The following PPM1E variants were observed in gnomAD, a reference collection of about 807,000 sequenced individuals.
PPM1E encodes protein phosphatase, Mg2+/Mn2+ dependent 1E, also known as protein phosphatase 1E.
A neutral mutation model predicts 65.9 loss-of-function variants in PPM1E; 20 were observed. The observed-to-expected ratio is 0.30, with a 90% CI of 0.21 to 0.44. The LOEUF is 0.44. PPM1E is among the 20% of genes least tolerant of loss of function. PPM1E has a pLI of 1.00. For synonymous variants in PPM1E, 352 were observed against 374.9 expected, an observed-to-expected ratio of 0.94 and a Z score of 0.70; for missense variants, 713 against 953.1, an observed-to-expected ratio of 0.75 and a Z score of 3.32.
At chr17:58,759,285 T>C (rs2049800344) in intron 1 of PPM1E, among the ~76,000 whole-genome samples, 1 of 152,154 alleles carries the variant, frequency 6.6e-6, no homozygotes, top group East Asian at 1.9e-4. Flanking sequence ...GTTTTACTCC[T>C]TTCTCTAAGT....
At chr17:58,828,541 C>T (rs2050565698) in intron 1 of PPM1E, among the ~76,000 whole-genome samples, 1 of 151,558 alleles carries the variant, frequency 6.6e-6, no homozygotes, top group Admixed American at 6.6e-5. Context: ...CTCGCCTCAC[C>T]ACAACCTCTG....
chr17:58,899,538 C>G, intron 1 of PPM1E: 1 of 224,738 alleles, frequency 4.4e-6, no homozygotes, highest in East Asian at 1.1e-4. Flanking sequence ...TTAAGGTTGA[C>G]CAGAAAGTAG....
intron 1 of PPM1E, among the ~76,000 whole-genome samples, chr17:58,940,910 C>T (rs532110177): frequency 1.3e-5 from 2 of 152,292 alleles, no homozygotes; most frequent in Middle Eastern, 3.4e-3. Flanking sequence ...AGGGTTTTGC[C>T]ACATTGGCCA....
chr17:58,948,714 C>T (rs2052196855), intron 1 of PPM1E, among the ~76,000 whole-genome samples: 1 of 152,102 alleles, frequency 6.6e-6, no homozygotes, highest in Non-Finnish European at 1.5e-5. Flanking sequence ...TGTTGTGTTT[C>T]TGTTTTCATT....
chr17:58,982,186 T>C lies in PPM1E; in HGVS notation c.*1155T>C. On this transcript the variant is annotated 3_prime_UTR_variant, in exon 7 of 7. Transcript: ENST00000308249. The stretch of plus-strand genomic sequence containing the variant: ...AAGACACATGAGTGTCCTGCTTACA[T>C]GTAGCTTCAGACTGCAGAGACAGGA... 1 of 152,820 alleles carries C rather than the reference T, an allele frequency of 6.5e-6. No homozygotes were observed. Among genetic ancestry groups the C allele is most frequent in the Middle Eastern group, 3.4e-3 (1 of 294 alleles). The allele number at this position is 152,820 out of a possible 1,614,324, so 9.5% of individuals were successfully genotyped here.
intron 1 of PPM1E, among the ~76,000 whole-genome samples, chr17:58,950,250 T>C (rs2052217129): frequency 6.6e-6 from 1 of 152,124 alleles, no homozygotes; most frequent in Non-Finnish European, 1.5e-5. Flanking sequence ...TAATCCAAGC[T>C]ACTCAGGAGG....
intron 1 of PPM1E, among the ~76,000 whole-genome samples, chr17:58,905,062 A>G (rs1227902476): frequency 2.0e-5 from 3 of 150,620 alleles, no homozygotes; most frequent in Admixed American, 6.6e-5. Context: ...ACAACAAACA[A>G]TTTCTCCTAT....
At chr17:58,830,478 T>A (rs1373565655) in intron 1 of PPM1E, among the ~76,000 whole-genome samples, 1 of 151,724 alleles carries the variant, frequency 6.6e-6, no homozygotes, top group Admixed American at 6.6e-5. Flanking sequence ...CGGCTGATTT[T>A]TGTATTTTTA....
chr17:58,897,881 G>A (rs1285495602), intron 1 of PPM1E: 5 of 152,434 alleles, frequency 3.3e-5, no homozygotes, highest in African/African-American at 1.2e-4. Context: ...TTGGGAGGTT[G>A]AGGCAGGAAG....
At chr17:58,922,786 G>A (rs2051769508) in intron 1 of PPM1E, among the ~76,000 whole-genome samples, 2 of 150,904 alleles carry the variant, frequency 1.3e-5, no homozygotes, top group African/African-American at 4.9e-5. Flanking sequence ...CCGGGTTCAA[G>A]TGATTATCCT....
intron 1 of PPM1E, among the ~76,000 whole-genome samples, chr17:58,915,303 C>T (rs2051672084): frequency 6.6e-6 from 1 of 152,190 alleles, no homozygotes; most frequent in African/African-American, 2.4e-5. Context: ...ATAACTTTCT[C>T]ATGTTGCCAT....
At chr17:58,782,672 A>G (rs1479262516) in intron 1 of PPM1E, among the ~76,000 whole-genome samples, 1 of 151,610 alleles carries the variant, frequency 6.6e-6, no homozygotes, top group Non-Finnish European at 1.5e-5. Context: ...TCGGCCTCCC[A>G]AAGTGCTGGG....
intron 1 of PPM1E, among the ~76,000 whole-genome samples, chr17:58,836,199 T>C (rs1403231666): frequency 6.6e-6 from 1 of 152,144 alleles, no homozygotes; most frequent in East Asian, 1.9e-4. Context: ...TGGGTATATA[T>C]TGTTGCTCAA....
intron 1 of PPM1E, among the ~76,000 whole-genome samples, chr17:58,791,651 A>G (rs2050158791): frequency 6.6e-6 from 1 of 152,140 alleles, no homozygotes; most frequent in Admixed American, 6.5e-5. Context: ...GAATACCTAC[A>G]CCCAGGATCG....
intron 1 of PPM1E, among the ~76,000 whole-genome samples, chr17:58,796,708 A>AC (rs1210745242): frequency 1.3e-5 from 2 of 152,302 alleles, no homozygotes; most frequent in East Asian, 3.9e-4. Context: ...ACACCCATAT[A>AC]CCCACAACTT....
chr17:58,837,713 GTCTCGA>G (rs1277500577), intron 1 of PPM1E, among the ~76,000 whole-genome samples: 1 of 151,976 alleles, frequency 6.6e-6, no homozygotes, highest in Non-Finnish European at 1.5e-5. Flanking sequence ...AGCCAGGATG[GTCTCGA>G]TCTCCTGACC....
chr17:58,881,648 G>A (rs1007801380), intron 1 of PPM1E, among the ~76,000 whole-genome samples: 1 of 151,908 alleles, frequency 6.6e-6, no homozygotes, highest in African/African-American at 2.4e-5. Flanking sequence ...GTGACAGAGT[G>A]AGATTCCATC....
intron 1 of PPM1E, among the ~76,000 whole-genome samples, chr17:58,942,149 G>T (rs1567882488): frequency 6.6e-6 from 1 of 152,164 alleles, no homozygotes; most frequent in Non-Finnish European, 1.5e-5. Context: ...ACTTTGGGAG[G>T]CTGAGGCGGG....
At chr17:58,845,363 C>A (rs555210114) in intron 1 of PPM1E, among the ~76,000 whole-genome samples, 2 of 150,320 alleles carry the variant, frequency 1.3e-5, no homozygotes, top group Non-Finnish European at 3.0e-5. Flanking sequence ...TTCTGTCTTA[C>A]CCATTTTTAA....
Sources: allele counts gnomAD v4.1 joint callset (sites outside exome capture counted in the v4.1 genomes callset), GRCh38; gene constraint gnomAD v4.1.1; transcripts MANE v1.5; gene names NCBI Gene and HGNC (gene_info 2026-07-23, HGNC 2026-07-21).